The following NLRP1 variants were observed in gnomAD, a reference collection of about 807,000 sequenced individuals.
NLRP1 encodes the protein NLR family pyrin domain containing 1, also known as NACHT, LRR and PYD domains-containing protein 1.
In NLRP1, 94 loss-of-function variants were observed where a neutral mutation model predicts 136.7. The ratio of observed to expected loss-of-function variants is 0.69; its 90% CI spans 0.58 to 0.82. The LOEUF is 0.82. Among genes scored for constraint, NLRP1 ranks in the 40% least tolerant of loss-of-function variants. The pLI is 0.00. For missense variants in NLRP1, 1,575 were observed against 1,802.7 expected (o/e 0.87, Z 2.29); for synonymous variants, 690 against 725.1 (o/e 0.95, Z 0.78).
At chr17:5,539,658 C>T (rs7223514) in intron 6 of NLRP1, 73 bp from the exon 7 acceptor site, 2 of 1,436,284 alleles carry the variant, frequency 1.4e-6, no homozygotes, top group Non-Finnish European at 1.8e-6. Context: ...AGGGTCTGAT[C>T]TTCCTTCTCA....
chr17:5,527,237 A>G (rs1453638788), intron 12 of NLRP1, among the ~76,000 whole-genome samples: 2 of 152,222 alleles, frequency 1.3e-5, no homozygotes, highest in East Asian at 3.9e-4. Flanking sequence ...ACTAACACTA[A>G]TGATAGCTGG....
Position 5,583,772 on chromosome 17 carries a change from C to G in NLRP1, c.186G>C (p.Gly62=). The change falls in exon 1 of 17, where the codon GGG becomes GGC. Residue 62 remains glycine, a synonymous_variant. Coordinates refer to ENST00000572272, the MANE Select transcript of NLRP1 (RefSeq NM_033004.4). This position sits in a 1 kb window ranked among gnomAD's most constrained non-coding sequence, Gnocchi z 4.5. The part of the protein sequence containing the change: ...EVASYLVAQY[G]EQRAWDLALH... ...GGGCTAGGTCCCAGGCCCGCTGCTC[C>G]CCATACTGAGCCACCAGGTACGAGG... 1 of 1,554,108 alleles carries G rather than the reference C, an allele frequency of 6.4e-7. No homozygotes were observed. Among genetic ancestry groups the G allele is most frequent in the East Asian group, 2.4e-5 (1 of 41,156 alleles).
rs1446162413 is a variant in NLRP1 at position 5,559,587 on chromosome 17, C to T, written c.1109G>A (p.Arg370Lys). 2.5e-6 allele frequency: 4 copies of T among 1,614,124 alleles called. No homozygotes were observed. Among genetic ancestry groups the T allele is most frequent in the Admixed American group, 3.3e-5 (2 of 60,006 alleles). The change falls in exon 4 of 17, where the codon AGA (arginine) becomes AAA (lysine). Residue 370 changes from arginine to lysine, a missense_variant. Physicochemically the swap from Arg to Lys is conservative, Grantham distance 26. Coordinates refer to ENST00000572272, the MANE Select transcript of NLRP1 (RefSeq NM_033004.4). Reference protein sequence around the residue: ...RFQHVFYFSCRELAQSKVVSL... With the variant: ...RFQHVFYFSCKELAQSKVVSL... ...CACCACCTTGGACTGGGCCAGCTCT[C>T]TGCAGCTGAAGTAGAAGACATGCTG...
chr17:5,579,431 C>A (rs1255891422), intron 3 of NLRP1, among the ~76,000 whole-genome samples: 5 of 151,996 alleles, frequency 3.3e-5, no homozygotes, highest in Non-Finnish European at 7.4e-5. Flanking sequence ...ATTTAAAAGT[C>A]AAAAAATAAC....
rs1179681894 is a variant in NLRP1, at chr17:5,515,471, A to T, written c.4102+2T>A. 3 of 1,612,528 alleles carry T rather than the reference A, an allele frequency of 1.9e-6. No homozygotes were observed. The highest frequency in any genetic ancestry group is 8.5e-7 in the Non-Finnish European group (1 of 1,178,642). ...CTGTGGTCTCTGAGAGCTGTTACTG[A>T]CCTATGCGGGCTGGAGGGATCAGAG... On this transcript the variant is annotated splice_donor_variant, in intron 16 of 16. Transcript: ENST00000572272. LOFTEE classifies it high-confidence loss of function.
rs1452209258 is a variant in NLRP1, at chr17:5,542,006, T to A, written c.2550A>T (p.Thr850=). The A allele has an allele frequency of 1.9e-6, 3 of 1,613,758 alleles. No homozygotes were observed. The highest frequency in any genetic ancestry group is 3.3e-5 in the Admixed American group (2 of 59,994). ...ETLRLAGCGL[T]AEDCKDLAFG... ...AGGCAAGGTCCTTGCAGTCCTCAGC[T>A]GTGAGGCCACAGCCAGCCAACCTGT... The change falls in exon 6 of 17, where the codon ACA becomes ACT. Residue 850 remains threonine, a synonymous_variant. Coordinates refer to ENST00000572272, the MANE Select transcript of NLRP1 (RefSeq NM_033004.4).
chr17:5,544,534 T>C (rs1912310684), intron 5 of NLRP1, among the ~76,000 whole-genome samples: 1 of 152,222 alleles, frequency 6.6e-6, no homozygotes, highest in Admixed American at 6.5e-5. Flanking sequence ...CATGTGCACA[T>C]GCTGAGCTGT....
intron 3 of NLRP1, among the ~76,000 whole-genome samples, chr17:5,575,606 T>G (rs980062926): frequency 4.6e-5 from 7 of 151,956 alleles, no homozygotes; most frequent in Non-Finnish European, 8.8e-5. Context: ...CAATACAGGA[T>G]CACCCAGATT....
In NLRP1 at chr17:5,504,234, G is replaced by A. The variant is rs533626150; in HGVS notation, c.4070-2362C>T. On this transcript the variant is annotated intron_variant, in intron 15 of 15. Coordinates refer to the NLRP1 transcript ENST00000262467. This position sits in a 1 kb window ranked among gnomAD's most constrained non-coding sequence, Gnocchi z 4.4. ...AGAGATGGTCTCACTTAATTTTCAT[G>A]ACCCCCTAAATTAGGCACCAGTATT... 1 of 152,696 alleles carries A rather than the reference G, an allele frequency of 6.5e-6. No individual in the cohort carries two copies. The highest frequency in any genetic ancestry group is 1.5e-5 in the Non-Finnish European group (1 of 68,188). 9.5% of individuals were successfully genotyped at this position (152,696 alleles called of 1,614,324 possible).
In NLRP1 at chr17:5,525,784, T is replaced by C. The variant is rs560723072; in HGVS notation, c.3521-3998A>G. Among the ~76,000 whole-genome samples, 3 of 152,324 alleles carry C rather than the reference T, an allele frequency of 2.0e-5. No individual in the cohort carries two copies. In the South Asian group the frequency reaches 6.2e-4, roughly 32 times the overall value. On this transcript the variant is annotated intron_variant, in intron 12 of 16. Transcript: ENST00000572272. ...GCTGATAACAGCATCCCCCTCCCGG[T>C]GTCACTGTGCAGATTGACTGGGTTT...
intron 15 of NLRP1, 138 bp downstream of exon 15, chr17:5,517,608 G>A (rs1430850516): frequency 3.1e-6 from 3 of 962,002 alleles, no homozygotes; most frequent in East Asian, 2.5e-5. Context: ...GGCTGGTCTT[G>A]AACTCCTGAC....
intron 15 of NLRP1, among the ~76,000 whole-genome samples, chr17:5,517,351 C>CA (rs902776262): frequency 2.6e-4 from 16 of 61,406 alleles, no homozygotes; most frequent in East Asian, 1.7e-3. Context: ...GCACTCTGCA[C>CA]CCCCCCCCCT....
intron 4 of NLRP1, among the ~76,000 whole-genome samples, chr17:5,558,051 G>A (rs1044934888): frequency 1.3e-5 from 2 of 152,108 alleles, no homozygotes; most frequent in East Asian, 3.9e-4. Context: ...ACGTCCAGGA[G>A]AGAAGATGGA....
chr17:5,505,803 CG>C (rs1231913598), intron 15 of NLRP1: 1 of 152,286 alleles, frequency 6.6e-6, no homozygotes. Flanking sequence ...GAGAACTTAG[CG>C]CTTCCAGCAT....
At chr17:5,577,093 G>A (rs1409544792) in intron 3 of NLRP1, among the ~76,000 whole-genome samples, 1 of 152,072 alleles carries the variant, frequency 6.6e-6, no homozygotes, top group African/African-American at 2.4e-5. Flanking sequence ...CAATAAATTA[G>A]GTATTGATGG....
chr17:5,516,537 G>T (rs1277648297), intron 15 of NLRP1, among the ~76,000 whole-genome samples: 1 of 152,222 alleles, frequency 6.6e-6, no homozygotes, highest in African/African-American at 2.4e-5. Context: ...AAGAGGCAGA[G>T]ATTGGCTTAA....
At chr17:5,567,269 A>G (rs987731755) in intron 3 of NLRP1, among the ~76,000 whole-genome samples, 5 of 151,934 alleles carry the variant, frequency 3.3e-5, no homozygotes, top group African/African-American at 1.2e-4. Context: ...CCTCTAGTGA[A>G]GATGATTTTC....
At chr17:5,551,509 G>A (rs1019238181) in intron 5 of NLRP1, among the ~76,000 whole-genome samples, 11 of 152,202 alleles carry the variant, frequency 7.2e-5, no homozygotes, top group Non-Finnish European at 2.9e-5. Context: ...GTTTTTGTGT[G>A]GACAGAGGTA....
At chr17:5,508,066 G>A (rs569450400) in intron 15 of NLRP1, among the ~76,000 whole-genome samples, 16 of 152,228 alleles carry the variant, frequency 1.1e-4, no homozygotes, top group Admixed American at 2.0e-4. Flanking sequence ...CCATGGAGGC[G>A]GAGGTTGCGG....
Sources: allele counts gnomAD v4.1 joint callset (sites outside exome capture counted in the v4.1 genomes callset), GRCh38; gene constraint gnomAD v4.1.1; non-coding constraint Gnocchi (gnomAD v3.1); transcripts MANE v1.5; gene names NCBI Gene and HGNC (gene_info 2026-07-23, HGNC 2026-07-21).